EPHA5: variants seen among roughly 807,000 people sequenced by gnomAD.
EPHA5 encodes EPH receptor A5.
EPHA5 carries 60 observed loss-of-function variants against 105.0 expected under a neutral mutation model. That is an observed-to-expected ratio of 0.57 (90% CI 0.46 to 0.71). The LOEUF (loss-of-function observed/expected upper bound fraction) is 0.71, where lower values mean the gene tolerates loss of function less well. Among genes scored for constraint, EPHA5 ranks in the 30% least tolerant of loss-of-function variants. The pLI is 0.00. For synonymous variants in EPHA5, 513 were observed against 449.1 expected, an observed-to-expected ratio of 1.14 and a Z score of -1.80; for missense variants, 1,218 against 1,274.7, an observed-to-expected ratio of 0.96 and a Z score of 0.68.
rs7688957 is a variant in EPHA5 at position 65,667,298 on chromosome 4, T to C, written c.181+2264A>G. ...ATTTCACAGAGCAGAAATAAAGATCTAGGATACTAGGTGGAAAGATGGAAA... is the reference window on the plus strand; with the variant it reads ...ATTTCACAGAGCAGAAATAAAGATCCAGGATACTAGGTGGAAAGATGGAAA... On this transcript the variant is annotated intron_variant, in intron 1 of 16. Coordinates refer to ENST00000613740, the MANE Select transcript of EPHA5 (RefSeq NM_001281766.3). 3.7e-3 allele frequency among the ~76,000 whole-genome samples: 560 copies of C among 152,296 alleles called. 5 individuals are homozygous for C. Among genetic ancestry groups the C allele is most frequent in the African/African-American group, 0.013 (545 of 41,560 alleles).
At chr4:65,530,807 TCTTTC>T (rs1182129956) in intron 3 of EPHA5, among the ~76,000 whole-genome samples, 2 of 152,108 alleles carry the variant, frequency 1.3e-5, no homozygotes, top group Non-Finnish European at 2.9e-5. Context: ...CACTACCCAT[TCTTTC>T]CTTTTTGCTT....
chr4:65,591,812 T>C (rs895656738), intron 3 of EPHA5, among the ~76,000 whole-genome samples: 1 of 152,146 alleles, frequency 6.6e-6, no homozygotes, highest in Non-Finnish European at 1.5e-5. Context: ...GTTACTTTAC[T>C]TGCCAAATTT....
At chr4:65,647,756 T>C (rs918793126) in intron 1 of EPHA5, among the ~76,000 whole-genome samples, 4 of 152,168 alleles carry the variant, frequency 2.6e-5, no homozygotes, top group South Asian at 2.1e-4. Context: ...CCCTGAGCCA[T>C]TGTATAATTA....
At chr4:65,513,403 C>T (rs71612725) in intron 3 of EPHA5, among the ~76,000 whole-genome samples, 3,849 of 151,848 alleles carry the variant, frequency 0.025, 64 homozygotes, top group African/African-American at 0.03. Flanking sequence ...TTTGTTTTTT[C>T]TGAGTTGGAG....
At chr4:65,556,350 A>G (rs183722748) in intron 3 of EPHA5, among the ~76,000 whole-genome samples, 47 of 152,308 alleles carry the variant, frequency 3.1e-4, no homozygotes, top group Admixed American at 3.1e-3. Context: ...AAGTCCAGCC[A>G]CACGCTGGGA....
At chr4:65,382,965 G>A (rs1577971560) in intron 8 of EPHA5, among the ~76,000 whole-genome samples, 1 of 150,780 alleles carries the variant, frequency 6.6e-6, no homozygotes, top group Non-Finnish European at 1.5e-5. Flanking sequence ...GTGCCTGGAG[G>A]TGCTTATAAA....
intron 11 of EPHA5, among the ~76,000 whole-genome samples, chr4:65,359,435 T>G (rs1052056155): frequency 2.0e-5 from 3 of 151,692 alleles, no homozygotes; most frequent in Non-Finnish European, 4.4e-5. Flanking sequence ...TCCAACTTTA[T>G]GCACAACATC....
At chr4:65,419,517 T>C (rs1723737583) in intron 6 of EPHA5, among the ~76,000 whole-genome samples, 1 of 152,140 alleles carries the variant, frequency 6.6e-6, no homozygotes, top group Non-Finnish European at 1.5e-5. Context: ...TATTCCTACC[T>C]CCATAGGACC....
intron 3 of EPHA5, among the ~76,000 whole-genome samples, chr4:65,582,317 C>T (rs1201351205): frequency 6.6e-6 from 1 of 151,446 alleles, no homozygotes; most frequent in Admixed American, 6.6e-5. Flanking sequence ...CCTTGTATAA[C>T]TTTCCATTTT....
At chr4:65,462,420 ACTGTTTATTC>A (rs1331755074) in intron 5 of EPHA5, among the ~76,000 whole-genome samples, 1 of 152,170 alleles carries the variant, frequency 6.6e-6, no homozygotes, top group Admixed American at 6.6e-5. Context: ...CAGAAAAACC[ACTGTTTATTC>A]TCACAATTCT....
intron 8 of EPHA5, among the ~76,000 whole-genome samples, chr4:65,383,608 G>T (rs970168520): frequency 6.6e-6 from 1 of 151,842 alleles, no homozygotes; most frequent in African/African-American, 2.4e-5. Flanking sequence ...TGGGATGATG[G>T]ATTTTATTGA....
At chr4:65,619,268 C>T (rs923310259) in intron 2 of EPHA5, among the ~76,000 whole-genome samples, 1 of 152,080 alleles carries the variant, frequency 6.6e-6, no homozygotes, top group East Asian at 1.9e-4. Context: ...TTAATATTCC[C>T]TACATAATTG....
At chr4:65,531,573 T>C (rs1578352659) in intron 3 of EPHA5, among the ~76,000 whole-genome samples, 1 of 151,140 alleles carries the variant, frequency 6.6e-6, no homozygotes, top group East Asian at 2.0e-4. Flanking sequence ...TATACTGAGA[T>C]GTCTTTGCAG....
rs866764329 is a variant in EPHA5 at position 65,670,418 on chromosome 4, G to C, written c.-676C>G. ...GGAGCTGCTGCGGTTCCCGCTGCTC[G>C]GGGAGCAGGCGGTGTGTGCGCGGCT... On this transcript the variant is annotated 5_prime_UTR_variant, in exon 1 of 17. Transcript: ENST00000613740. 2 of 233,570 alleles carry C rather than the reference G, an allele frequency of 8.6e-6. No individual in the cohort carries two copies. The highest frequency in any genetic ancestry group is 6.0e-5 in the East Asian group (1 of 16,578). The allele number at this position is 233,570 out of a possible 1,614,324, so 14.5% of individuals were successfully genotyped here.
At chr4:65,619,782 T>C (rs1023918361) in intron 2 of EPHA5, among the ~76,000 whole-genome samples, 3 of 152,012 alleles carry the variant, frequency 2.0e-5, no homozygotes, top group African/African-American at 7.2e-5. Flanking sequence ...AATGAAGTTA[T>C]ACTTACATAA....
intron 1 of EPHA5, among the ~76,000 whole-genome samples, chr4:65,647,270 A>G (rs1033499068): frequency 1.4e-5 from 2 of 143,054 alleles, no homozygotes; most frequent in African/African-American, 5.2e-5. Flanking sequence ...CGGAGCTTGC[A>G]GTGAGCTGAG....
chr4:65,390,015 A>G (rs1455805580), intron 8 of EPHA5, among the ~76,000 whole-genome samples: 1 of 151,984 alleles, frequency 6.6e-6, no homozygotes, highest in South Asian at 2.1e-4. Flanking sequence ...CTTGGCTTTC[A>G]TTGCATTTCA....
chr4:65,374,261 C>T (rs1343661318), intron 8 of EPHA5, among the ~76,000 whole-genome samples: 1 of 151,822 alleles, frequency 6.6e-6, no homozygotes, highest in Non-Finnish European at 1.5e-5. Flanking sequence ...AGAAATAGTA[C>T]AGAAATAGCT....
intron 2 of EPHA5, among the ~76,000 whole-genome samples, chr4:65,608,197 T>C (rs1402695681): frequency 1.3e-5 from 2 of 152,108 alleles, no homozygotes; most frequent in African/African-American, 4.8e-5. Flanking sequence ...GCTTAAAGTA[T>C]TTTAAAAAAG....
Sources: allele counts gnomAD v4.1 joint callset (sites outside exome capture counted in the v4.1 genomes callset), GRCh38; gene constraint gnomAD v4.1.1; transcripts MANE v1.5; gene names NCBI Gene and HGNC (gene_info 2026-07-23, HGNC 2026-07-21).